Variants in OSBPL10 observed in about 807,000 individuals in gnomAD.
OSBPL10 encodes oxysterol-binding protein-related protein 10.
A neutral mutation model predicts 81.7 loss-of-function variants in OSBPL10; 49 were observed. The observed-to-expected ratio is 0.60, with a 90% CI of 0.48 to 0.76. The LOEUF (loss-of-function observed/expected upper bound fraction) is 0.76. Ranked by LOEUF, OSBPL10 falls within the 30% of genes least tolerant of loss-of-function variation. The pLI is 0.00. For missense variants in OSBPL10, 923 were observed against 987.8 expected (o/e 0.93, Z 0.88); for synonymous variants, 419 against 383.6 (o/e 1.09, Z -1.08).
chr3:31,883,720 C>A (rs558732685), intron 1 of OSBPL10, among the ~76,000 whole-genome samples: 1 of 152,066 alleles, frequency 6.6e-6, no homozygotes, highest in African/African-American at 2.4e-5. Context: ...TCAGTAGAGA[C>A]AGGGTTTCGC....
At chr3:31,794,166 CAG>C (rs1301415992) in intron 4 of OSBPL10, among the ~76,000 whole-genome samples, 1 of 152,204 alleles carries the variant, frequency 6.6e-6, no homozygotes, top group Admixed American at 6.5e-5. Context: ...TGTTTTGAGA[CAG>C]AGTCTTGCTC....
chr3:31,702,409 T>C lies in OSBPL10; in HGVS notation c.1195A>G (p.Ile399Val), dbSNP rs145355443. 5.4e-5 allele frequency: 87 copies of C among 1,614,236 alleles called. No individual in the cohort carries two copies. In the African/African-American group the frequency reaches 1.1e-3, roughly 21 times the overall value. The change falls in exon 7 of 12, where the codon ATA becomes GTA. Residue 399 changes from isoleucine to valine, a missense_variant. Physicochemically the swap from Ile to Val is conservative, Grantham distance 29. Around this residue, in one of 3 missense-constraint regions of OSBPL10, gnomAD observed 22 missense variants for 43.4 expected, o/e 0.51. Transcript: ENST00000396556. Reference sequence around the variant, plus strand: ...AGTTGTGAAATGAGATGAAGAATTATACTACGCTGATCCTCCATGACGCCC... The same window carrying C: ...AGTTGTGAAATGAGATGAAGAATTACACTACGCTGATCCTCCATGACGCCC... Reference protein sequence around the residue: ...ELGVMEDQRSIILHLISQLKL... With the variant: ...ELGVMEDQRSVILHLISQLKL...
intron 8 of OSBPL10, 147 bp from the exon 9 acceptor site, chr3:31,671,130 T>G (rs1483051239): frequency 2.7e-6 from 2 of 751,188 alleles, no homozygotes; most frequent in Non-Finnish European, 4.2e-6. Flanking sequence ...TCGTTCACTG[T>G]GGGCTCTACT....
intron 1 of OSBPL10, among the ~76,000 whole-genome samples, chr3:31,934,260 T>C (rs1015782882): frequency 5.3e-5 from 8 of 151,440 alleles, no homozygotes; most frequent in African/African-American, 1.7e-4. Context: ...GGCTTGAGCC[T>C]AGGAATTCAA....
intron 4 of OSBPL10, among the ~76,000 whole-genome samples, chr3:31,824,965 C>T (rs1700066994): frequency 6.6e-6 from 1 of 152,092 alleles, no homozygotes; most frequent in Non-Finnish European, 1.5e-5. Flanking sequence ...GCAGAAAGTT[C>T]TGCTGAGCAA....
In OSBPL10 at chr3:31,974,768, T is replaced by C. The variant is rs1400225931; in HGVS notation, c.281+6131A>G. 2.6e-5 allele frequency among the ~76,000 whole-genome samples: 4 copies of C among 152,152 alleles called. No homozygotes were observed. The East Asian group carries it at 7.7e-4, about 29-fold the overall frequency. ...GGGGCTGTGGGGGACAGGGAATGTTTTGGCAGCTGTTTCTTAATCTGGGTG... is the reference window on the plus strand; with the variant it reads ...GGGGCTGTGGGGGACAGGGAATGTTCTGGCAGCTGTTTCTTAATCTGGGTG... On this transcript the variant is annotated intron_variant, in intron 1 of 11. Coordinates refer to ENST00000396556, the MANE Select transcript of OSBPL10 (RefSeq NM_017784.5).
chr3:31,850,211 G>A (rs1475045522), intron 3 of OSBPL10, among the ~76,000 whole-genome samples: 3 of 152,002 alleles, frequency 2.0e-5, no homozygotes, highest in African/African-American at 7.3e-5. Flanking sequence ...ACACACACCT[G>A]TAGTCCTAGC....
chr3:31,921,227 G>A (rs1479376208), intron 1 of OSBPL10, among the ~76,000 whole-genome samples: 1 of 152,024 alleles, frequency 6.6e-6, no homozygotes, highest in African/African-American at 2.4e-5. Flanking sequence ...ATACACCTTA[G>A]TACACACATG....
chr3:31,782,641 G>C (rs1279816689), intron 4 of OSBPL10, among the ~76,000 whole-genome samples: 1 of 152,144 alleles, frequency 6.6e-6, no homozygotes, highest in Non-Finnish European at 1.5e-5. Flanking sequence ...GACATGAATA[G>C]ACAGTTCTCA....
At chr3:31,814,590 A>C (rs1336178279) in intron 4 of OSBPL10, among the ~76,000 whole-genome samples, 1 of 152,192 alleles carries the variant, frequency 6.6e-6, no homozygotes, top group Non-Finnish European at 1.5e-5. Flanking sequence ...ACAGAACAGC[A>C]AGGACTGCTG....
chr3:31,938,656 A>G (rs1697450659), intron 1 of OSBPL10, among the ~76,000 whole-genome samples: 1 of 152,124 alleles, frequency 6.6e-6, no homozygotes, highest in Admixed American at 6.6e-5. Flanking sequence ...CTACAGGCAC[A>G]CGCCAACTCA....
At chr3:31,726,318 T>TA (rs1273250571) in intron 6 of OSBPL10, among the ~76,000 whole-genome samples, 2 of 152,070 alleles carry the variant, frequency 1.3e-5, no homozygotes, top group East Asian at 3.9e-4. Flanking sequence ...TAATTTTTTT[T>TA]TTTTATTTTA....
intron 4 of OSBPL10, among the ~76,000 whole-genome samples, chr3:31,826,675 G>A (rs116581506): frequency 0.034 from 5,245 of 152,096 alleles, 274 homozygotes; most frequent in African/African-American, 0.12. Flanking sequence ...TTTTCTTCTC[G>A]TTATTTTATA....
chr3:32,067,009 T>C (rs1027466635), intron 1 of OSBPL10, among the ~76,000 whole-genome samples: 1 of 152,196 alleles, frequency 6.6e-6, no homozygotes. Context: ...CTGCTTTAAC[T>C]CTTATAAAGA....
At chr3:31,888,248 G>A (rs1695793510) in intron 1 of OSBPL10, among the ~76,000 whole-genome samples, 1 of 152,156 alleles carries the variant, frequency 6.6e-6, no homozygotes, top group South Asian at 2.1e-4. Flanking sequence ...TCAGTAAATG[G>A]TGCGGGGACA....
chr3:31,873,413 T>C (rs184671628), intron 3 of OSBPL10, among the ~76,000 whole-genome samples: 2 of 152,284 alleles, frequency 1.3e-5, no homozygotes, highest in East Asian at 3.9e-4. Flanking sequence ...CTTCATCAGG[T>C]AGTGACTAAG....
At chr3:31,862,165 A>G (rs1701069515) in intron 3 of OSBPL10, among the ~76,000 whole-genome samples, 1 of 141,426 alleles carries the variant, frequency 7.1e-6, no homozygotes, top group Non-Finnish European at 1.5e-5. Flanking sequence ...TACACTATGT[A>G]CCCACAAAAA....
At chr3:31,710,981 A>C (rs534578767) in intron 6 of OSBPL10, 1 of 152,398 alleles carries the variant, frequency 6.6e-6, no homozygotes, top group South Asian at 2.1e-4. Flanking sequence ...AAATTTGCTT[A>C]AGATATGGTC....
intron 4 of OSBPL10, among the ~76,000 whole-genome samples, chr3:31,750,197 A>T (rs1216521190): frequency 1.3e-5 from 2 of 151,654 alleles, no homozygotes; most frequent in African/African-American, 4.8e-5. Flanking sequence ...AATAAAAAAT[A>T]AAAATTGCAC....
Sources: allele counts gnomAD v4.1 joint callset (sites outside exome capture counted in the v4.1 genomes callset), GRCh38; gene constraint gnomAD v4.1.1; regional missense constraint gnomAD v4.1.1; transcripts MANE v1.5; gene names NCBI Gene and HGNC (gene_info 2026-07-23, HGNC 2026-07-21).